The following DLG2 variants were observed in gnomAD, a reference collection of about 807,000 sequenced individuals.
The protein encoded by DLG2 is discs large MAGUK scaffold protein 2.
DLG2 carries 45 observed loss-of-function variants against 132.5 expected under a neutral mutation model. The ratio of observed to expected loss-of-function variants is 0.34; its 90% CI spans 0.27 to 0.44. The LOEUF is 0.44. DLG2 is among the 20% of genes least tolerant of loss of function. DLG2 has a pLI of 1.00. For synonymous variants in DLG2, 424 were observed against 419.6 expected (o/e 1.01, Z -0.13); for missense variants, 1,045 against 1,196.9 (o/e 0.87, Z 1.87).
intron 6 of DLG2, among the ~76,000 whole-genome samples, chr11:84,711,373 AGAGAGAGATC>A (rs1212728964): frequency 0.027 from 2,412 of 87,722 alleles, 184 homozygotes; most frequent in African/African-American, 0.12. Context: ...AGAGAGAGAG[AGAGAGAGATC>A]GATCGATCTA....
At chr11:83,717,504 G>A (rs571388450) in intron 18 of DLG2, among the ~76,000 whole-genome samples, 1 of 152,312 alleles carries the variant, frequency 6.6e-6, no homozygotes, top group African/African-American at 2.4e-5. Flanking sequence ...AGTAGTAATA[G>A]TTGGGAAATG....
intron 7 of DLG2, chr11:84,273,089 CA>C (rs2097749507): frequency 7.5e-7 from 1 of 1,339,468 alleles, no homozygotes; most frequent in Non-Finnish European, 9.9e-7. Context: ...ATAGATACAA[CA>C]GGAGAAAAAG....
chr11:85,373,448 C>A (rs2152920647), intron 3 of DLG2, among the ~76,000 whole-genome samples: 1 of 152,278 alleles, frequency 6.6e-6, no homozygotes, highest in African/African-American at 2.4e-5. Context: ...CATTTAAGAT[C>A]AGTCTTCATC....
intron 7 of DLG2, among the ~76,000 whole-genome samples, chr11:84,278,662 G>A (rs1213853910): frequency 2.0e-5 from 3 of 152,012 alleles, no homozygotes; most frequent in Non-Finnish European, 4.4e-5. Context: ...CTGGGAATAC[G>A]AAATTGGTTT....
chr11:84,748,159 ATG>A (rs1388527094), intron 6 of DLG2, among the ~76,000 whole-genome samples: 1 of 152,190 alleles, frequency 6.6e-6, no homozygotes, highest in African/African-American at 2.4e-5. Flanking sequence ...ACAGGAAATC[ATG>A]TGTGAGAAAT....
At chr11:84,230,883 T>C (rs1046533282) in intron 8 of DLG2, among the ~76,000 whole-genome samples, 1 of 152,126 alleles carries the variant, frequency 6.6e-6, no homozygotes, top group Non-Finnish European at 1.5e-5. Context: ...TTGGTTATAG[T>C]GGAAATACAA....
At chr11:84,878,834 G>GT (rs962919993) in intron 6 of DLG2, among the ~76,000 whole-genome samples, 7 of 152,146 alleles carry the variant, frequency 4.6e-5, no homozygotes, top group African/African-American at 1.7e-4. Context: ...GGATAATTCA[G>GT]TTTTTTCCAT....
At chr11:85,268,865 A>G (rs1418366470) in intron 4 of DLG2, among the ~76,000 whole-genome samples, 1 of 152,260 alleles carries the variant, frequency 6.6e-6, no homozygotes, top group African/African-American at 2.4e-5. Flanking sequence ...TGGTTTTAAA[A>G]TGATAGAAAA....
chr11:84,224,537 C>T (rs1346078008), intron 8 of DLG2, among the ~76,000 whole-genome samples: 1 of 152,190 alleles, frequency 6.6e-6, no homozygotes, highest in East Asian at 1.9e-4. Flanking sequence ...ACACTTTGTA[C>T]TATGTGCCAG....
intron 8 of DLG2, among the ~76,000 whole-genome samples, chr11:84,234,783 G>T (rs2097138144): frequency 6.6e-6 from 1 of 152,130 alleles, no homozygotes. Flanking sequence ...CAGAGAGCAG[G>T]CCCTGAAAGA....
intron 6 of DLG2, among the ~76,000 whole-genome samples, chr11:84,896,974 A>AT (rs984089740): frequency 2.0e-5 from 3 of 151,804 alleles, no homozygotes; most frequent in African/African-American, 7.2e-5. Context: ...TGTACATACA[A>AT]TTTTTTTCAT....
intron 6 of DLG2, among the ~76,000 whole-genome samples, chr11:84,877,904 A>T (rs2086644730): frequency 6.6e-6 from 1 of 152,216 alleles, no homozygotes; most frequent in Non-Finnish European, 1.5e-5. Context: ...TGGGAGAAGA[A>T]TATAAACAGA....
chr11:83,543,071 A>C (rs2096127668), intron 19 of DLG2, among the ~76,000 whole-genome samples: 1 of 152,182 alleles, frequency 6.6e-6, no homozygotes. Flanking sequence ...AAAGAGCTGA[A>C]GACAGCATCT....
At chr11:83,726,989 C>A (rs754349894) in intron 18 of DLG2, among the ~76,000 whole-genome samples, 6 of 152,158 alleles carry the variant, frequency 3.9e-5, no homozygotes, top group Non-Finnish European at 7.3e-5. Context: ...GAAAATGATT[C>A]TCCCACCATT....
At chr11:85,213,381 C>T (rs979693597) in intron 4 of DLG2, among the ~76,000 whole-genome samples, 9 of 151,268 alleles carry the variant, frequency 5.9e-5, no homozygotes, top group African/African-American at 2.2e-4. Context: ...TCCAGAAAGG[C>T]AGGACAACTG....
At position 85,306,221 on chromosome 11, in the gene DLG2, C is replaced by T. The variant is rs142814462; in HGVS notation, c.41-20856G>A. Among the ~76,000 whole-genome samples the T allele has an allele frequency of 5.8e-3, 877 of 152,306 alleles. 10 individuals are homozygous for T. The highest frequency in any genetic ancestry group is 0.02 in the African/African-American group (818 of 41,556). On this transcript the variant is annotated intron_variant, in intron 3 of 27. Coordinates refer to ENST00000376104, the MANE Select transcript of DLG2 (RefSeq NM_001142699.3). ...TGGTTTCAGCCTCATCTGCAAGTCT[C>T]TTCTATGCCACCACCATTTATGATA...
At chr11:85,505,639 T>A (rs2093912977) in intron 3 of DLG2, among the ~76,000 whole-genome samples, 1 of 152,202 alleles carries the variant, frequency 6.6e-6, no homozygotes, top group African/African-American at 2.4e-5. Context: ...TATTGAGGAT[T>A]TTTGCATTGA....
At chr11:84,368,317 C>T (rs1044369843) in intron 7 of DLG2, among the ~76,000 whole-genome samples, 3 of 152,046 alleles carry the variant, frequency 2.0e-5, no homozygotes, top group Non-Finnish European at 4.4e-5. Flanking sequence ...TTCTACCTCA[C>T]ATTCTTATAA....
intron 7 of DLG2, among the ~76,000 whole-genome samples, chr11:84,384,110 C>G (rs1435322249): frequency 7.2e-6 from 1 of 139,414 alleles, no homozygotes; most frequent in Non-Finnish European, 1.5e-5. Context: ...TTTTTTTTTG[C>G]AATGAGAAAA....
Sources: gnomAD v4.1 joint callset for allele counts (sites outside exome capture counted in the v4.1 genomes callset) on GRCh38, gnomAD v4.1.1 for gene constraint, MANE v1.5 for transcripts, NCBI Gene and HGNC (gene_info 2026-07-23, HGNC 2026-07-21) for gene names.